Variants in OPRD1 observed in about 807,000 individuals in gnomAD.
The protein encoded by OPRD1 is opioid receptor delta 1.
A neutral mutation model predicts 17.5 loss-of-function variants in OPRD1; 19 were observed. That is an observed-to-expected ratio of 1.09 (90% confidence interval 0.76 to 1.60). OPRD1 has a LOEUF of 1.60. Among genes scored for constraint, OPRD1 ranks in the 40% most tolerant of loss-of-function variants. The pLI is 0.00. For synonymous variants in OPRD1, 256 were observed against 240.9 expected (o/e 1.06, Z -0.58); for missense variants, 483 against 547.2 (o/e 0.88, Z 1.17).
Position 28,855,374 on chromosome 1 carries a change from C to T in OPRD1, c.228-3580C>T, listed in dbSNP as rs112899146. The stretch of plus-strand genomic sequence containing the variant: ...AGGCCAGTGTGTGGCAGGGGCACAT[C>T]GGTGGAGGGGAACATGCTGGGAACT... On this transcript the variant is annotated intron_variant, in intron 1 of 2. Coordinates refer to ENST00000234961, the MANE Select transcript of OPRD1 (RefSeq NM_000911.4). Among the ~76,000 whole-genome samples the T allele has an allele frequency of 1.6e-3, 247 of 152,164 alleles. 1 individual carries two copies. Among genetic ancestry groups the T allele is most frequent in the Middle Eastern group, 0.014 (4 of 294 alleles).
intron 1 of OPRD1, among the ~76,000 whole-genome samples, chr1:28,844,880 G>T (rs552880499): frequency 1.3e-5 from 2 of 152,046 alleles, no homozygotes; most frequent in East Asian, 3.9e-4. Context: ...GAGTAGCTGG[G>T]ATTACAGGTG....
rs753063961 is a variant in OPRD1 at position 28,862,816 on chromosome 1, T to C, written c.652T>C (p.Phe218Leu). 6.2e-7 allele frequency: 1 copy of C among 1,613,472 alleles called. No homozygotes were observed. The highest frequency in any genetic ancestry group is 1.3e-5 in the African/African-American group (1 of 74,956). The change falls in exon 3 of 3, where the codon TTC becomes CTC. Residue 218 changes from phenylalanine (F) to leucine (L), a missense_variant. Coordinates refer to ENST00000234961, the MANE Select transcript of OPRD1 (RefSeq NM_000911.4). ...GGACACGGTGACCAAGATCTGCGTG[T>C]TCCTCTTCGCCTTCGTGGTGCCCAT... ...YWDTVTKICV[F>L]LFAFVVPILI...
chr1:28,824,860 C>G (rs959927123), intron 1 of OPRD1, among the ~76,000 whole-genome samples: 1 of 151,954 alleles, frequency 6.6e-6, no homozygotes, highest in Admixed American at 6.6e-5. Context: ...GAGACGGAGT[C>G]TCGCTCTGTT....
intron 1 of OPRD1, among the ~76,000 whole-genome samples, chr1:28,837,590 G>A (rs1348140759): frequency 1.3e-5 from 2 of 151,942 alleles, no homozygotes; most frequent in African/African-American, 2.4e-5. Context: ...GGAGCTTGCA[G>A]TGAGCCAAGA....
At chr1:28,861,798 A>G (rs1314671743) in intron 2 of OPRD1, among the ~76,000 whole-genome samples, 1 of 141,910 alleles carries the variant, frequency 7.0e-6, no homozygotes, top group Non-Finnish European at 1.5e-5. Context: ...GCCTGACCCT[A>G]TCCTTGAGTC....
At chr1:28,861,920 T>C (rs1297361622) in intron 2 of OPRD1, among the ~76,000 whole-genome samples, 9 of 150,714 alleles carry the variant, frequency 6.0e-5, no homozygotes, top group South Asian at 2.1e-4. Context: ...TTTCTTTTTT[T>C]TTTTTTTTTG....
At chr1:28,862,248 T>C (rs999267825) in intron 2 of OPRD1, among the ~76,000 whole-genome samples, 2 of 152,132 alleles carry the variant, frequency 1.3e-5, no homozygotes, top group Non-Finnish European at 2.9e-5. Context: ...ACGACAATCC[T>C]GGAGATGTGG....
intron 1 of OPRD1, among the ~76,000 whole-genome samples, chr1:28,853,992 C>T (rs574265862): frequency 1.3e-4 from 19 of 151,968 alleles, no homozygotes; most frequent in Non-Finnish European, 2.5e-4. Context: ...CTGCCTGCCT[C>T]GGCCTCTCAA....
At chr1:28,828,989 CAAAAA>C (rs149592402) in intron 1 of OPRD1, among the ~76,000 whole-genome samples, 1 of 137,392 alleles carries the variant, frequency 7.3e-6, no homozygotes, top group African/African-American at 2.7e-5. Flanking sequence ...GACTCTGTCT[CAAAAA>C]AAAAAAAAAA....
At chr1:28,820,851 C>G (rs2088707015) in intron 1 of OPRD1, among the ~76,000 whole-genome samples, 1 of 150,588 alleles carries the variant, frequency 6.6e-6, no homozygotes, top group African/African-American at 2.4e-5. Context: ...CTGCCCGCCT[C>G]TGGCCTCCCA....
chr1:28,842,144 C>G (rs1380420291), intron 1 of OPRD1, among the ~76,000 whole-genome samples: 1 of 152,124 alleles, frequency 6.6e-6, no homozygotes, highest in African/African-American at 2.4e-5. Flanking sequence ...ATCCTCCCAC[C>G]TCAGCCTCCG....
At chr1:28,845,818 G>A (rs927919691) in intron 1 of OPRD1, among the ~76,000 whole-genome samples, 2 of 152,140 alleles carry the variant, frequency 1.3e-5, no homozygotes, top group African/African-American at 2.4e-5. Context: ...GAGAACAACA[G>A]TAGAGTTTTG....
chr1:28,814,394 T>A (rs1234814647), intron 1 of OPRD1, among the ~76,000 whole-genome samples: 1 of 152,158 alleles, frequency 6.6e-6, no homozygotes, highest in Non-Finnish European at 1.5e-5. Context: ...ATGGACGCTG[T>A]CTGTATAGCG....
intron 1 of OPRD1, among the ~76,000 whole-genome samples, chr1:28,814,166 A>C (rs1339790889): frequency 6.6e-6 from 1 of 151,662 alleles, no homozygotes; most frequent in Non-Finnish European, 1.5e-5. Context: ...TTTGTCAGTG[A>C]TTCTCCCCAC....
Position 28,863,262 on chromosome 1 carries a change from C to G in OPRD1, c.1098C>G (p.Pro366=), listed in dbSNP as rs764009052. 6.8e-7 allele frequency: 1 copy of G among 1,470,264 alleles called. No homozygotes were observed. The highest frequency in any genetic ancestry group is 8.9e-7 in the Non-Finnish European group (1 of 1,122,386). The allele number at this position is 1,470,264 out of a possible 1,614,324, so 91.1% of individuals were successfully genotyped here. ...CCGCCTGCACCCCGTCCGATGGTCC[C>G]GGCGGTGGCGCTGCCGCCTGACCAG... ...RVTACTPSDG[P]GGGAAA Residue 366 remains proline (P), a synonymous_variant, in exon 3 of 3, where the codon CCC becomes CCG. Coordinates refer to ENST00000234961, the MANE Select transcript of OPRD1 (RefSeq NM_000911.4).
At chr1:28,842,580 A>T (rs2088904133) in intron 1 of OPRD1, among the ~76,000 whole-genome samples, 1 of 152,222 alleles carries the variant, frequency 6.6e-6, no homozygotes, top group South Asian at 2.1e-4. Flanking sequence ...GGGCTTGTTT[A>T]ACAGAGGAGT....
intron 1 of OPRD1, among the ~76,000 whole-genome samples, chr1:28,843,641 G>C (rs1476805860): frequency 1.3e-5 from 2 of 152,066 alleles, no homozygotes; most frequent in Non-Finnish European, 2.9e-5. Flanking sequence ...TGTCTTTTGA[G>C]ACAGGCTCTT....
Position 28,862,809 on chromosome 1 carries a change from C to T in OPRD1, c.645C>T (p.Ile215=), listed in dbSNP as rs768066428. 2 of 1,613,672 alleles carry T rather than the reference C, an allele frequency of 1.2e-6. No individual in the cohort carries two copies. Among genetic ancestry groups the T allele is most frequent in the Non-Finnish European group, 1.7e-6 (2 of 1,179,986 alleles). ...GGTACTGGGACACGGTGACCAAGAT[C>T]TGCGTGTTCCTCTTCGCCTTCGTGG... The part of the protein sequence containing the change: ...PSWYWDTVTK[I]CVFLFAFVVP... The change falls in exon 3 of 3, where the codon ATC becomes ATT. Residue 215 remains isoleucine, a synonymous_variant. Transcript: ENST00000234961.
Position 28,859,040 on chromosome 1 carries a change from A to T in OPRD1, c.314A>T (p.Gln105Leu). Residue 105 changes from glutamine to leucine, a missense_variant, in exon 2 of 3, where the codon CAG becomes CTG. Gln to Leu is a moderately radical substitution (Grantham distance 113). Transcript: ENST00000234961. ...DALATSTLPF[Q>L]SAKYLMETWP... is the part of the protein sequence containing the mutation. ...CTGGCCACCAGCACGCTGCCTTTCC[A>T]GAGTGCCAAGTACCTGATGGAGACG... 1 of 1,614,202 alleles carries T rather than the reference A, an allele frequency of 6.2e-7. No homozygotes were observed. Among genetic ancestry groups the T allele is most frequent in the Non-Finnish European group, 8.5e-7 (1 of 1,180,042 alleles).
Sources: allele counts gnomAD v4.1 joint callset (sites outside exome capture counted in the v4.1 genomes callset), GRCh38; gene constraint gnomAD v4.1.1; transcripts MANE v1.5; gene names NCBI Gene and HGNC (gene_info 2026-07-23, HGNC 2026-07-21).